Variants in MORC4 observed in about 807,000 individuals in gnomAD.
MORC4 encodes MORC family CW-type zinc finger protein 4.
MORC4 carries 22 observed loss-of-function variants against 65.5 expected under a neutral mutation model. The observed-to-expected ratio is 0.34, with a 90% confidence interval of 0.24 to 0.48. MORC4 has a LOEUF of 0.48. Ranked by LOEUF, MORC4 falls within the 20% of genes least tolerant of loss-of-function variation. The pLI, the probability that MORC4 is intolerant of heterozygous loss-of-function variation, is 0.99. For synonymous variants in MORC4, 267 were observed against 255.8 expected (o/e 1.04, Z -0.42); for missense variants, 624 against 703.0 (o/e 0.89, Z 1.27).
chrX:106,944,841 T>TC (rs1933784509), intron 14 of MORC4, among the ~76,000 whole-genome samples: 1 of 111,568 alleles, frequency 9.0e-6, no homozygotes, highest in African/African-American at 3.3e-5. Flanking sequence ...AAGTTCAAGC[T>TC]CCCACTACCT....
chrX:106,977,011 T>C (rs1934638500), intron 8 of MORC4, among the ~76,000 whole-genome samples: 1 of 111,716 alleles, frequency 9.0e-6, no homozygotes, highest in East Asian at 2.8e-4. Flanking sequence ...TAAGACTGCA[T>C]TTGAATAAAG....
At chrX:106,962,830 T>C (rs1188106441) in intron 9 of MORC4, among the ~76,000 whole-genome samples, 3 of 112,228 alleles carry the variant, frequency 2.7e-5, no homozygotes, top group Admixed American at 9.4e-5. Context: ...TTCGAATTAC[T>C]AATTCCTATT....
rs140475018 is a variant in MORC4 at position 106,954,916 on chromosome X, G to A, written c.1682C>T (p.Ser561Phe). ...AGAGATCATGCTTTTTAGTCACCTGGAAAACTGTAAAACACTGGAATCCAG... is the reference window on the plus strand; with the variant it reads ...AGAGATCATGCTTTTTAGTCACCTGAAAAACTGTAAAACACTGGAATCCAG... ...KPLDSSVLQFSSKYKWILGEE... is the reference protein window; with the variant it reads ...KPLDSSVLQFFSKYKWILGEE... Residue 561 changes from serine to phenylalanine, a missense_variant, in exon 14 of 17, where the codon TCC becomes TTC. Coordinates refer to ENST00000355610, the MANE Select transcript of MORC4 (RefSeq NM_024657.5). 1 of 1,207,504 alleles carries A rather than the reference G, an allele frequency of 8.3e-7. No individual in the cohort carries two copies. The highest frequency in any genetic ancestry group is 1.7e-5 in the African/African-American group (1 of 57,633).
chrX:106,942,155 C>T lies in MORC4; in HGVS notation c.2443G>A (p.Val815Met). The T allele has an allele frequency of 8.3e-7, 1 of 1,211,037 alleles. No homozygotes were observed. Among genetic ancestry groups the T allele is most frequent in the South Asian group, 1.8e-5 (1 of 56,889 alleles). The change falls in exon 16 of 17, where the codon GTG (valine) becomes ATG (methionine). Residue 815 changes from valine (V) to methionine (M), a missense_variant. Coordinates refer to ENST00000355610, the MANE Select transcript of MORC4 (RefSeq NM_024657.5). ...SEFKKVQHEL[V>M]IYSTQEAEGL... ...TCCGCCTCCTGGGTACTGTAGATCA[C>T]CAATTCATGTTGGACTTTCTTGAAT...
chrX:106,951,923 G>T (rs1427119979), intron 14 of MORC4, among the ~76,000 whole-genome samples: 1 of 101,140 alleles, frequency 9.9e-6, no homozygotes, highest in Non-Finnish European at 2.0e-5. Flanking sequence ...TTGAACTCGG[G>T]AGGTGGAGGT....
intron 14 of MORC4, among the ~76,000 whole-genome samples, chrX:106,949,876 T>G (rs1331910584): frequency 8.9e-6 from 1 of 112,089 alleles, no homozygotes; most frequent in Non-Finnish European, 1.9e-5. Context: ...ACCCTGGAGG[T>G]AGCATAGCAT....
Position 106,993,434 on chromosome X carries a change from C to T in MORC4, c.176-72G>A, listed in dbSNP as rs757319656. 63 of 1,039,485 alleles carry T rather than the reference C, an allele frequency of 6.1e-5. No homozygotes were observed. In the South Asian group the frequency reaches 6.7e-4, roughly 11 times the overall value. The allele number at this position is 1,039,485 out of a possible 1,213,427, so 85.7% of individuals were successfully genotyped here. On this transcript the variant is annotated intron_variant, in intron 2 of 16. Coordinates refer to ENST00000355610, the MANE Select transcript of MORC4 (RefSeq NM_024657.5). Reference sequence around the variant, plus strand: ...TGTATCAAAATCTCTAGTTCAGTGACGCCAAGACATAAGAAATGTCCTTTA... The same window carrying T: ...TGTATCAAAATCTCTAGTTCAGTGATGCCAAGACATAAGAAATGTCCTTTA...
At chrX:106,981,545 G>A in intron 5 of MORC4, 68 bp from the exon 6 acceptor site, 3 of 968,935 alleles carry the variant, frequency 3.1e-6, no homozygotes, top group South Asian at 5.4e-5. Flanking sequence ...TGCACTAGGA[G>A]CCCAAAAGAA....
At chrX:106,984,771 G>A (rs891971068) in intron 5 of MORC4, among the ~76,000 whole-genome samples, 10 of 109,170 alleles carry the variant, frequency 9.2e-5, no homozygotes, top group Non-Finnish European at 1.5e-4. Flanking sequence ...CACCGCACCC[G>A]GCCAGAACTC....
In MORC4 at chrX:106,985,145, C is replaced by T; in HGVS notation, c.625G>A (p.Ala209Thr). Residue 209 changes from alanine (A) to threonine (T), a missense_variant, in exon 5 of 17, where the codon GCC becomes ACC. Physicochemically the swap from Ala to Thr is moderately conservative, Grantham distance 58. Coordinates refer to ENST00000355610, the MANE Select transcript of MORC4 (RefSeq NM_024657.5). ...CGAGTGCCTTTTTTGCCTGGGATGGCATCAAACTGGGCCAGCAGGTCATTT... is the reference window on the plus strand; with the variant it reads ...CGAGTGCCTTTTTTGCCTGGGATGGTATCAAACTGGGCCAGCAGGTCATTT... Reference protein sequence around the residue: ...RENDLLAQFDAIPGKKGTRVL... With the variant: ...RENDLLAQFDTIPGKKGTRVL... The T allele has an allele frequency of 8.3e-7, 1 of 1,206,048 alleles. No individual in the cohort carries two copies. The highest frequency in any genetic ancestry group is 1.1e-6 in the Non-Finnish European group (1 of 891,839).
chrX:106,981,378 G>A lies in MORC4; in HGVS notation c.774C>T (p.Thr258=). ...DTEEKMTGGV[T]SELPETEYSL... ...AATATTCTGTTTCTGGTAGCTCAGA[G>A]GTAACACCGCCAGTCATTTTTTCTT... Residue 258 remains threonine (T), a synonymous_variant, in exon 6 of 17, where the codon ACC becomes ACT. Transcript: ENST00000355610. The A allele has an allele frequency of 8.3e-7, 1 of 1,206,978 alleles. No individual in the cohort carries two copies. Among genetic ancestry groups the A allele is most frequent in the Non-Finnish European group, 1.1e-6 (1 of 892,788 alleles).
chrX:106,979,001 AT>A (rs1037532384), intron 7 of MORC4, among the ~76,000 whole-genome samples: 4 of 111,831 alleles, frequency 3.6e-5, no homozygotes, highest in Non-Finnish European at 7.6e-5. Context: ...GTCCTACTTA[AT>A]TTAAAAACCA....
chrX:106,989,451 A>G (rs967104096), intron 3 of MORC4, among the ~76,000 whole-genome samples: 1 of 112,712 alleles, frequency 8.9e-6, no homozygotes, highest in Non-Finnish European at 1.9e-5. Flanking sequence ...AGTTGCATAA[A>G]GAGTTGGAAA....
At chrX:106,973,463 G>T (rs969719784) in intron 9 of MORC4, among the ~76,000 whole-genome samples, 4 of 111,425 alleles carry the variant, frequency 3.6e-5, no homozygotes, top group African/African-American at 1.3e-4. Context: ...AATGGGTAGG[G>T]ACTTTTGGAA....
chrX:106,971,807 G>C (rs766952868), intron 9 of MORC4, among the ~76,000 whole-genome samples: 41 of 112,201 alleles, frequency 3.7e-4, no homozygotes, highest in Non-Finnish European at 6.8e-4. Flanking sequence ...CCATTAAAAA[G>C]TCAGGAAACA....
At position 106,984,576 on chromosome X, in the gene MORC4, C is replaced by T. The variant is rs1051723141; in HGVS notation, c.674+520G>A. ...CTCCACCTCCTGGGTTCAAGCGATT[C>T]TCCTGCCTCAGCCTCCCAAGTAGCT... On this transcript the variant is annotated intron_variant, in intron 5 of 16. Transcript: ENST00000355610. 4.0e-5 allele frequency among the ~76,000 whole-genome samples: 4 copies of T among 98,830 alleles called. No homozygotes were observed. In the Admixed American group the frequency reaches 4.6e-4, roughly 11 times the overall value. The allele number at this position is 98,830 out of a possible 115,157, so 85.8% of individuals were successfully genotyped here. A position where few individuals can be genotyped will look rare whatever the true frequency, so the allele number is the denominator to read the frequency against.
chrX:106,954,450 A>G (rs778613660), intron 14 of MORC4, among the ~76,000 whole-genome samples: 1 of 112,649 alleles, frequency 8.9e-6, no homozygotes, highest in African/African-American at 3.2e-5. Flanking sequence ...ACAACAAATG[A>G]TAAAGCTTAC....
chrX:106,971,096 T>C (rs1198410342), intron 9 of MORC4, among the ~76,000 whole-genome samples: 1 of 111,720 alleles, frequency 9.0e-6, no homozygotes, highest in Non-Finnish European at 1.9e-5. Flanking sequence ...CAAAACAGCA[T>C]GGTACTGGTA....
At chrX:106,976,506 G>T in intron 9 of MORC4, 78 bp downstream of exon 9, 2 of 569,305 alleles carry the variant, frequency 3.5e-6, no homozygotes, top group Non-Finnish European at 5.7e-6. Context: ...GCTTTTTAGA[G>T]ATGGTTTTAG....
Sources: gnomAD v4.1 joint callset for allele counts (sites outside exome capture counted in the v4.1 genomes callset) on GRCh38, gnomAD v4.1.1 for gene constraint, MANE v1.5 for transcripts, NCBI Gene and HGNC (gene_info 2026-07-23, HGNC 2026-07-21) for gene names.